The following ZDHHC14 variants were observed in gnomAD, a reference collection of about 807,000 sequenced individuals.
The protein encoded by ZDHHC14 is palmitoyltransferase ZDHHC14.
Under a neutral mutation model 47.7 loss-of-function variants are expected in ZDHHC14, and 16 were observed. That is an observed-to-expected ratio of 0.34 (90% CI 0.23 to 0.51). The LOEUF is 0.51. Ranked by LOEUF, ZDHHC14 falls within the 20% of genes least tolerant of loss-of-function variation. The pLI, the probability that ZDHHC14 is intolerant of heterozygous loss-of-function variation, is 0.97. For synonymous variants in ZDHHC14, 293 were observed against 278.9 expected, an observed-to-expected ratio of 1.05 and a Z score of -0.50; for missense variants, 515 against 662.5, an observed-to-expected ratio of 0.78 and a Z score of 2.44.
chr6:157,539,463 C>T (rs1482314045), intron 1 of ZDHHC14, among the ~76,000 whole-genome samples: 4 of 152,084 alleles, frequency 2.6e-5, no homozygotes, highest in African/African-American at 9.7e-5. Flanking sequence ...AGCTGTCCCC[C>T]GGAGAGAAGA....
intron 3 of ZDHHC14, among the ~76,000 whole-genome samples, chr6:157,599,253 C>T (rs1784248533): frequency 6.6e-6 from 1 of 152,208 alleles, no homozygotes; most frequent in Non-Finnish European, 1.5e-5. Context: ...GCTCAGAAAC[C>T]AGGAACAGTG....
chr6:157,445,343 C>T lies in ZDHHC14; in HGVS notation c.245+63077C>T, dbSNP rs183488747. Among the ~76,000 whole-genome samples the T allele has an allele frequency of 8.9e-4, 135 of 152,244 alleles. 1 individual carries two copies. The South Asian group carries it at 0.017, about 20-fold the overall frequency. On this transcript the variant is annotated intron_variant, in intron 1 of 8. Coordinates refer to ENST00000359775, the MANE Select transcript of ZDHHC14 (RefSeq NM_024630.3). ...AGTTTTGATTAGACAAGAGCCATCA[C>T]GGTTTATTAAAAATAAACAAAGCCA...
intron 2 of ZDHHC14, among the ~76,000 whole-genome samples, chr6:157,552,381 C>T (rs1782269846): frequency 6.6e-6 from 1 of 152,006 alleles, no homozygotes; most frequent in South Asian, 2.1e-4. Flanking sequence ...TCTGGAACAG[C>T]CCTCTGCAGT....
Position 157,586,265 on chromosome 6 carries a change from C to A in ZDHHC14, c.407-6723C>A, listed in dbSNP as rs1424336218. ...TAAAACAAGGCAGGCGCAGTGAGAG[C>A]CCAAAGGAGGAAACAAGTAACTCTG... On this transcript the variant is annotated intron_variant, in intron 2 of 8. Transcript: ENST00000359775. This position sits in a 1 kb window ranked among gnomAD's most constrained non-coding sequence, Gnocchi z 4.6. Among the ~76,000 whole-genome samples, 1 of 152,116 alleles carries A rather than the reference C, an allele frequency of 6.6e-6. No homozygotes were observed. The highest frequency in any genetic ancestry group is 2.4e-5 in the African/African-American group (1 of 41,424).
chr6:157,404,585 C>T (rs575853564), intron 1 of ZDHHC14, among the ~76,000 whole-genome samples: 15 of 152,306 alleles, frequency 9.8e-5, no homozygotes, highest in Admixed American at 5.2e-4. Context: ...AGGGTCTCTC[C>T]TGTCTCTCTA....
chr6:157,527,737 C>T (rs991606408), intron 1 of ZDHHC14, among the ~76,000 whole-genome samples: 3 of 152,198 alleles, frequency 2.0e-5, no homozygotes, highest in Non-Finnish European at 4.4e-5. Context: ...TCTTGGCAGC[C>T]ATGTAACGGT....
Position 157,676,962 on chromosome 6 carries a change from A to G in ZDHHC14, c.*3840A>G, listed in dbSNP as rs1778979780. 1 of 152,222 alleles carries G rather than the reference A, an allele frequency of 6.6e-6. No individual in the cohort carries two copies. Among genetic ancestry groups the G allele is most frequent in the South Asian group, 2.1e-4 (1 of 4,824 alleles). 9.4% of individuals were successfully genotyped at this position (152,222 alleles called of 1,614,324 possible). A position where few individuals can be genotyped will look rare whatever the true frequency, so the allele number is the denominator to read the frequency against. ...GCCCTTCATCCATCCACAAGAATACATTGAGTTCATTTAGTTCTTGACCAG... is the reference window on the plus strand; with the variant it reads ...GCCCTTCATCCATCCACAAGAATACGTTGAGTTCATTTAGTTCTTGACCAG... On this transcript the variant is annotated 3_prime_UTR_variant, in exon 9 of 9. Transcript: ENST00000359775.
At chr6:157,638,460 C>G (rs944277740) in intron 5 of ZDHHC14, among the ~76,000 whole-genome samples, 1 of 152,084 alleles carries the variant, frequency 6.6e-6, no homozygotes, top group Non-Finnish European at 1.5e-5. Context: ...AGCCCCCTGG[C>G]CTTCTCCATG....
chr6:157,644,336 G>A (rs1583064431), intron 5 of ZDHHC14, among the ~76,000 whole-genome samples: 1 of 152,226 alleles, frequency 6.6e-6, no homozygotes, highest in Non-Finnish European at 1.5e-5. Context: ...CACCATCCAT[G>A]TGTCCCCATG....
At chr6:157,525,002 C>G (rs1383300163) in intron 1 of ZDHHC14, among the ~76,000 whole-genome samples, 2 of 152,196 alleles carry the variant, frequency 1.3e-5, no homozygotes, top group African/African-American at 4.8e-5. Context: ...GGTTTAGGGT[C>G]TCCCACAGGG....
At chr6:157,430,508 C>T (rs986374361) in intron 1 of ZDHHC14, among the ~76,000 whole-genome samples, 1 of 152,150 alleles carries the variant, frequency 6.6e-6, no homozygotes, top group African/African-American at 2.4e-5. Flanking sequence ...TTGTGGCTGC[C>T]TTCCTCTGTT....
intron 1 of ZDHHC14, among the ~76,000 whole-genome samples, chr6:157,403,106 T>G (rs1430386614): frequency 2.6e-5 from 4 of 152,206 alleles, no homozygotes; most frequent in Non-Finnish European, 5.9e-5. Context: ...ATGCTAATTT[T>G]CACCAGAGTT....
intron 1 of ZDHHC14, among the ~76,000 whole-genome samples, chr6:157,478,721 C>T (rs1317143809): frequency 1.3e-5 from 2 of 152,184 alleles, no homozygotes; most frequent in Non-Finnish European, 2.9e-5. Flanking sequence ...ATATCAGCCT[C>T]TAGAAAGTTC....
intron 1 of ZDHHC14, among the ~76,000 whole-genome samples, chr6:157,442,197 G>T (rs895007869): frequency 1.3e-5 from 2 of 152,050 alleles, no homozygotes; most frequent in Non-Finnish European, 2.9e-5. Context: ...TTTGAGACAA[G>T]CCTAGGCAAC....
chr6:157,467,113 G>A (rs1165472959), intron 1 of ZDHHC14, among the ~76,000 whole-genome samples: 2 of 152,116 alleles, frequency 1.3e-5, no homozygotes, highest in African/African-American at 4.8e-5. Flanking sequence ...TTATTTTGAA[G>A]GAGGTCATAA....
chr6:157,458,611 G>C (rs1778984796), intron 1 of ZDHHC14, among the ~76,000 whole-genome samples: 2 of 152,024 alleles, frequency 1.3e-5, no homozygotes, highest in East Asian at 1.9e-4. Context: ...GCTTGGCCTG[G>C]GGCAGGTGGG....
intron 1 of ZDHHC14, among the ~76,000 whole-genome samples, chr6:157,466,303 G>A (rs1779215243): frequency 1.3e-5 from 2 of 152,168 alleles, no homozygotes; most frequent in East Asian, 3.9e-4. Context: ...GGACAGCTCG[G>A]TGCGTGCTGT....
chr6:157,619,485 G>A (rs1785097190), intron 3 of ZDHHC14, among the ~76,000 whole-genome samples: 1 of 152,224 alleles, frequency 6.6e-6, no homozygotes, highest in Admixed American at 6.5e-5. Flanking sequence ...AGGGACCTCT[G>A]TTGTCTAGTA....
chr6:157,525,315 C>T (rs1468866713), intron 1 of ZDHHC14, among the ~76,000 whole-genome samples: 1 of 152,084 alleles, frequency 6.6e-6, no homozygotes, highest in Non-Finnish European at 1.5e-5. Flanking sequence ...CGTGCATCAC[C>T]ATGGCCAGCT....
Sources: gnomAD v4.1 joint callset for allele counts (sites outside exome capture counted in the v4.1 genomes callset) on GRCh38, gnomAD v4.1.1 for gene constraint, Gnocchi (gnomAD v3.1) non-coding constraint, MANE v1.5 for transcripts, NCBI Gene and HGNC (gene_info 2026-07-23, HGNC 2026-07-21) for gene names.